Variants in PTPRE observed in about 807,000 individuals in gnomAD.
The protein encoded by PTPRE is protein tyrosine phosphatase receptor type E, also known as receptor-type tyrosine-protein phosphatase epsilon.
Under a neutral mutation model 102.0 loss-of-function variants are expected in PTPRE, and 51 were observed. That is an observed-to-expected ratio of 0.50 (90% CI 0.40 to 0.63). PTPRE has a LOEUF of 0.63. Ranked by LOEUF, PTPRE falls within the 30% of genes least tolerant of loss-of-function variation. The probability of loss-of-function intolerance (pLI) is 0.00; values close to 1 mark genes in which losing one functional copy is unlikely to be tolerated. For missense variants in PTPRE, 752 were observed against 915.1 expected (o/e 0.82, Z 2.30); for synonymous variants, 345 against 348.2 (o/e 0.99, Z 0.10).
intron 2 of PTPRE, among the ~76,000 whole-genome samples, chr10:128,009,820 T>C (rs969536622): frequency 2.0e-5 from 3 of 152,222 alleles, no homozygotes; most frequent in Non-Finnish European, 4.4e-5. Context: ...GTAGTCTCGT[T>C]TCATATGAAG....
chr10:127,937,893 GGT>G (rs143990936), intron 1 of PTPRE, among the ~76,000 whole-genome samples: 32 of 149,496 alleles, frequency 2.1e-4, no homozygotes, highest in Non-Finnish European at 2.2e-4. Flanking sequence ...ACTCGTAAGG[GGT>G]GTGTGTGTGT....
intron 6 of PTPRE, among the ~76,000 whole-genome samples, chr10:128,052,849 G>A (rs1420372698): frequency 1.3e-5 from 2 of 152,154 alleles, no homozygotes; most frequent in East Asian, 1.9e-4. Flanking sequence ...AGCAGCTGGG[G>A]CCTCTTGCAG....
intron 12 of PTPRE, 45 bp downstream of exon 12, chr10:128,068,331 C>G: frequency 6.4e-7 from 1 of 1,572,136 alleles, no homozygotes. Flanking sequence ...GGGCAGGCCA[C>G]AGTGGGATGA....
chr10:127,954,828 C>G (rs944235548), intron 1 of PTPRE, among the ~76,000 whole-genome samples: 1 of 151,920 alleles, frequency 6.6e-6, no homozygotes, highest in Non-Finnish European at 1.5e-5. Flanking sequence ...TCCTAGTGAC[C>G]CACTAGCAAA....
intron 1 of PTPRE, among the ~76,000 whole-genome samples, chr10:127,926,158 C>T (rs934674373): frequency 6.6e-6 from 1 of 152,186 alleles, no homozygotes; most frequent in East Asian, 1.9e-4. Flanking sequence ...TTTAAGTTTT[C>T]CCTTTTGCTC....
At chr10:127,970,531 G>A (rs992478778) in intron 1 of PTPRE, among the ~76,000 whole-genome samples, 15 of 151,742 alleles carry the variant, frequency 9.9e-5, no homozygotes, top group Non-Finnish European at 2.2e-4. Context: ...CATCTGTTGC[G>A]TTTTTTCATG....
intron 2 of PTPRE, among the ~76,000 whole-genome samples, chr10:128,030,102 G>T (rs2135736677): frequency 6.6e-6 from 1 of 152,310 alleles, no homozygotes; most frequent in South Asian, 2.1e-4. Context: ...TCCCCATGTG[G>T]GCTTCCCTCA....
rs1851988045 is a variant in PTPRE, at chr10:128,084,923, A to T, written c.*2017A>T. ...GAAGCCCTTTAATGGTCTAACTGGC[A>T]TCTCTTGTATCAAGAAGTACCTTTA... On this transcript the variant is annotated 3_prime_UTR_variant, in exon 21 of 21. Coordinates refer to ENST00000254667, the MANE Select transcript of PTPRE (RefSeq NM_006504.6). 1.1e-5 allele frequency: 3 copies of T among 266,892 alleles called. No individual in the cohort carries two copies. Among genetic ancestry groups the T allele is most frequent in the Non-Finnish European group, 2.4e-5 (3 of 127,028 alleles). The allele number at this position is 266,892 out of a possible 1,614,324, so 16.5% of individuals were successfully genotyped here.
At chr10:128,055,556 C>T (rs1466571722) in intron 6 of PTPRE, among the ~76,000 whole-genome samples, 2 of 152,058 alleles carry the variant, frequency 1.3e-5, no homozygotes, top group South Asian at 4.1e-4. Flanking sequence ...CTAACAAGCA[C>T]CCTCCCGGGA....
At chr10:128,032,160 C>A (rs536032251) in intron 2 of PTPRE, among the ~76,000 whole-genome samples, 7 of 151,986 alleles carry the variant, frequency 4.6e-5, no homozygotes, top group Non-Finnish European at 7.4e-5. Flanking sequence ...GGATTACAGG[C>A]GCCTGCCACC....
intron 2 of PTPRE, among the ~76,000 whole-genome samples, chr10:128,006,143 C>T (rs1187415542): frequency 2.6e-5 from 4 of 152,204 alleles, no homozygotes; most frequent in Non-Finnish European, 5.9e-5. Context: ...GGGACACTGT[C>T]AACCCCCAGT....
At chr10:128,024,099 G>A (rs1163715621) in intron 2 of PTPRE, among the ~76,000 whole-genome samples, 1 of 152,194 alleles carries the variant, frequency 6.6e-6, no homozygotes, top group East Asian at 1.9e-4. Context: ...TCTCAAATTT[G>A]AGATTAGGTA....
intron 1 of PTPRE, among the ~76,000 whole-genome samples, chr10:127,933,057 G>C (rs1402368856): frequency 6.6e-6 from 1 of 152,068 alleles, no homozygotes; most frequent in South Asian, 2.1e-4. Context: ...CCTGCTCCTC[G>C]TCTGCCTTTA....
intron 2 of PTPRE, among the ~76,000 whole-genome samples, chr10:128,013,729 G>C (rs1313902782): frequency 3.3e-5 from 5 of 152,174 alleles, no homozygotes; most frequent in Non-Finnish European, 5.9e-5. Flanking sequence ...GTCTTGAACA[G>C]GCAGAGGGCC....
At chr10:127,990,090 G>T (rs1340060890) in intron 2 of PTPRE, among the ~76,000 whole-genome samples, 1 of 152,120 alleles carries the variant, frequency 6.6e-6, no homozygotes, top group Admixed American at 6.6e-5. Flanking sequence ...TGTGTGTTTT[G>T]CCCAGGAGCC....
At chr10:127,910,519 G>A (rs1845796141) in intron 1 of PTPRE, among the ~76,000 whole-genome samples, 1 of 152,322 alleles carries the variant, frequency 6.6e-6, no homozygotes, top group South Asian at 2.1e-4. Context: ...TAGGCAGCCA[G>A]TGCTTTAAGG....
chr10:128,056,717 C>A (rs888115876), intron 7 of PTPRE, among the ~76,000 whole-genome samples: 1 of 152,078 alleles, frequency 6.6e-6, no homozygotes, highest in Non-Finnish European at 1.5e-5. Context: ...GGCTCTGAAT[C>A]GACCTGATTT....
rs1304059031 is a variant in PTPRE at position 128,049,434 on chromosome 10, G to C, written c.284-96G>C. On this transcript the variant is annotated intron_variant, in intron 5 of 20. Transcript: ENST00000254667. Reference sequence around the variant, plus strand: ...AGAGAACTGTTCCAGCTCCAGCCTGGTCATTTCTTCAGGAATGTCGTTGGT... The same window carrying C: ...AGAGAACTGTTCCAGCTCCAGCCTGCTCATTTCTTCAGGAATGTCGTTGGT... 5.5e-6 allele frequency: 8 copies of C among 1,460,682 alleles called. No homozygotes were observed. In the East Asian group the frequency reaches 1.8e-4, roughly 33 times the overall value. 90.5% of individuals were successfully genotyped at this position (1,460,682 alleles called of 1,614,324 possible).
intron 1 of PTPRE, among the ~76,000 whole-genome samples, chr10:127,933,761 G>A (rs1301506802): frequency 6.6e-6 from 1 of 152,242 alleles, no homozygotes; most frequent in African/African-American, 2.4e-5. Context: ...TCTCTTAGCT[G>A]GGATTGACAA....
Sources: allele counts gnomAD v4.1 joint callset (sites outside exome capture counted in the v4.1 genomes callset), GRCh38; gene constraint gnomAD v4.1.1; transcripts MANE v1.5; gene names NCBI Gene and HGNC (gene_info 2026-07-23, HGNC 2026-07-21).